UTS2B: variants seen among roughly 807,000 people sequenced by gnomAD.
UTS2B encodes urotensin-2B.
UTS2B carries 21 observed loss-of-function variants against 19.2 expected under a neutral mutation model. The ratio of observed to expected loss-of-function variants is 1.09; its 90% CI spans 0.78 to 1.58. The LOEUF is 1.58. UTS2B is among the 40% of genes most tolerant of loss of function. The pLI, the probability that UTS2B is intolerant of heterozygous loss-of-function variation, is 0.00. For synonymous variants in UTS2B, 57 were observed against 50.2 expected (o/e 1.14, Z -0.58); for missense variants, 138 against 130.3 (o/e 1.06, Z -0.29).
intron 4 of UTS2B, among the ~76,000 whole-genome samples, chr3:191,298,234 A>G (rs1358371668): frequency 6.6e-6 from 1 of 152,084 alleles, no homozygotes; most frequent in African/African-American, 2.4e-5. Flanking sequence ...TTGAATTCCA[A>G]AAAAAACAGT....
At chr3:191,321,968 A>C (rs113169116) in intron 2 of UTS2B, among the ~76,000 whole-genome samples, 2 of 152,202 alleles carry the variant, frequency 1.3e-5, no homozygotes, top group African/African-American at 4.8e-5. Flanking sequence ...CGGAGGTTGC[A>C]GTGAGCTAAG....
intron 4 of UTS2B, among the ~76,000 whole-genome samples, chr3:191,285,310 G>T (rs1302083737): frequency 6.6e-6 from 1 of 152,024 alleles, no homozygotes; most frequent in African/African-American, 2.4e-5. Flanking sequence ...TAGCTTCACG[G>T]TAAGCACAAA....
At chr3:191,296,487 CA>C (rs1576923779) in intron 4 of UTS2B, among the ~76,000 whole-genome samples, 1 of 152,320 alleles carries the variant, frequency 6.6e-6, no homozygotes, top group East Asian at 1.9e-4. Context: ...CTACAAGCTT[CA>C]ATATGCCACT....
At chr3:191,328,060 A>G (rs895514543) in intron 2 of UTS2B, among the ~76,000 whole-genome samples, 1 of 152,222 alleles carries the variant, frequency 6.6e-6, no homozygotes, top group African/African-American at 2.4e-5. Context: ...TGAACATATA[A>G]AAAACAGTCA....
At position 191,278,077 on chromosome 3, in the gene UTS2B, T is replaced by A; in HGVS notation, c.197A>T (p.Asn66Ile). ...NKNFDFQRPF[N>I]TDLALPNKLE... is the part of the protein sequence containing the mutation. ...TGACTTTATGTTTAACTCACCAGTG[T>A]TGAAAGGTCTTTGGAAATCAAAATT... The change falls in exon 6 of 9, where the codon AAC becomes ATC. Residue 66 changes from asparagine (N) to isoleucine (I), a missense_variant. By Grantham distance (149) the Asn-to-Ile change is moderately radical. Transcript: ENST00000340524. 6.5e-7 allele frequency: 1 copy of A among 1,533,654 alleles called. No homozygotes were observed. Among genetic ancestry groups the A allele is most frequent in the Non-Finnish European group, 8.8e-7 (1 of 1,137,340 alleles).
chr3:191,326,359 G>T (rs1380630956), intron 2 of UTS2B, among the ~76,000 whole-genome samples: 2 of 151,992 alleles, frequency 1.3e-5, no homozygotes, highest in Non-Finnish European at 2.9e-5. Context: ...CTAACTGGGG[G>T]ATGCTTTTGT....
At chr3:191,312,855 T>C (rs1220043493) in intron 3 of UTS2B, among the ~76,000 whole-genome samples, 2 of 152,148 alleles carry the variant, frequency 1.3e-5, no homozygotes, top group Non-Finnish European at 2.9e-5. Context: ...GTGCTAACAC[T>C]TTACTGGGAG....
Position 191,268,046 on chromosome 3 carries a change from A to G in UTS2B, c.*370T>C, listed in dbSNP as rs537539707. 1.1e-4 allele frequency: 17 copies of G among 157,382 alleles called. No individual in the cohort carries two copies. The South Asian group carries it at 3.3e-3, about 31-fold the overall frequency. 9.7% of individuals were successfully genotyped at this position (157,382 alleles called of 1,614,324 possible). On this transcript the variant is annotated 3_prime_UTR_variant, in exon 9 of 9. Transcript: ENST00000340524. ...GCAAGATGAGGACGTTTACAACCCT[A>G]TCTTATCCATATGGACAGGCGCCTT... is the stretch of plus-strand genomic sequence containing the variant.
At chr3:191,339,461 G>C in the UTS2B span, among the ~76,000 whole-genome samples, 1 of 152,164 alleles carries the variant, frequency 6.6e-6, no homozygotes, top group Non-Finnish European at 1.5e-5. Context: ...TTGTCTTCCT[G>C]TTCCTAGATA....
At chr3:191,277,136 C>G (rs897764588) in intron 6 of UTS2B, among the ~76,000 whole-genome samples, 1 of 152,022 alleles carries the variant, frequency 6.6e-6, no homozygotes, top group African/African-American at 2.4e-5. Context: ...ACTATTTTTG[C>G]TGGCATGTGG....
At chr3:191,321,730 AAT>A (rs959833864) in intron 2 of UTS2B, among the ~76,000 whole-genome samples, 3 of 152,178 alleles carry the variant, frequency 2.0e-5, no homozygotes, top group African/African-American at 7.2e-5. Flanking sequence ...GATATATAAA[AAT>A]ATATGTGACT....
At chr3:191,343,717 T>C in the UTS2B span, among the ~76,000 whole-genome samples, 1 of 152,236 alleles carries the variant, frequency 6.6e-6, no homozygotes, top group Non-Finnish European at 1.5e-5. Flanking sequence ...CATTTAACTT[T>C]CAGGGCCAGT....
chr3:191,303,943 T>C (rs1284464571), intron 4 of UTS2B, among the ~76,000 whole-genome samples: 1 of 152,048 alleles, frequency 6.6e-6, no homozygotes, highest in Non-Finnish European at 1.5e-5. Flanking sequence ...GAAGGATATA[T>C]TGCAGAAGAA....
chr3:191,326,757 C>T (rs1236324285), intron 2 of UTS2B, among the ~76,000 whole-genome samples: 1 of 152,206 alleles, frequency 6.6e-6, no homozygotes, highest in African/African-American at 2.4e-5. Context: ...GATACTAGCT[C>T]TTCCCCGTGT....
the UTS2B span, among the ~76,000 whole-genome samples, chr3:191,339,504 G>A: frequency 6.6e-6 from 1 of 152,088 alleles, no homozygotes; most frequent in African/African-American, 2.4e-5. Flanking sequence ...CATTTCCTCT[G>A]CAGAGGGTAT....
At position 191,306,116 on chromosome 3, in the gene UTS2B, G is replaced by A. The variant is rs112380425; in HGVS notation, c.-181-1568C>T. ...CGCTGAGTGTGATGCCTCCAGCTTTGTTCTTTTTGCTTAGGATTGCTGTGG... is the reference window on the plus strand; with the variant it reads ...CGCTGAGTGTGATGCCTCCAGCTTTATTCTTTTTGCTTAGGATTGCTGTGG... On this transcript the variant is annotated intron_variant, in intron 3 of 8. Coordinates refer to ENST00000340524, the MANE Select transcript of UTS2B (RefSeq NM_198152.5). Among the ~76,000 whole-genome samples the A allele has an allele frequency of 3.8e-3, 578 of 152,222 alleles. 1 individual carries two copies. Among genetic ancestry groups the A allele is most frequent in the Non-Finnish European group, 5.8e-3 (392 of 68,000 alleles).
At chr3:191,297,721 T>A (rs1716892539) in intron 4 of UTS2B, among the ~76,000 whole-genome samples, 1 of 152,188 alleles carries the variant, frequency 6.6e-6, no homozygotes, top group Non-Finnish European at 1.5e-5. Context: ...AGAAGACAGA[T>A]AATAAAATAT....
the UTS2B span, among the ~76,000 whole-genome samples, chr3:191,338,552 G>A: frequency 1.3e-5 from 2 of 152,124 alleles, no homozygotes; most frequent in Non-Finnish European, 2.9e-5. Flanking sequence ...TTTCAATTCT[G>A]TCAGTGATTG....
intron 4 of UTS2B, 129 bp from the exon 5 acceptor site, chr3:191,282,442 A>G (rs967652847): frequency 1.5e-4 from 58 of 383,648 alleles, no homozygotes; most frequent in African/African-American, 1.1e-3. Context: ...GAACCCAATC[A>G]ATACATCTCA....
Sources: gnomAD v4.1 joint callset for allele counts (sites outside exome capture counted in the v4.1 genomes callset) on GRCh38, gnomAD v4.1.1 for gene constraint, MANE v1.5 for transcripts, NCBI Gene and HGNC (gene_info 2026-07-23, HGNC 2026-07-21) for gene names.